The following RABGAP1 variants were observed in gnomAD, a reference collection of about 807,000 sequenced individuals.
RABGAP1 encodes RAB GTPase activating protein 1, also known as rab GTPase-activating protein 1.
Under a neutral mutation model 137.6 loss-of-function variants are expected in RABGAP1, and 23 were observed. That is an observed-to-expected ratio of 0.17 (90% CI 0.12 to 0.24). RABGAP1 has a LOEUF of 0.24. Among genes scored for constraint, RABGAP1 ranks in the 10% least tolerant of loss-of-function variants. The pLI is 1.00. For synonymous variants in RABGAP1, 451 were observed against 450.7 expected (o/e 1.00, Z -0.01); for missense variants, 906 against 1,275.8 (o/e 0.71, Z 4.42).
At chr9:123,065,751 C>T (rs1588366323) in intron 14 of RABGAP1, 1 of 384,114 alleles carries the variant, frequency 2.6e-6, no homozygotes, top group Non-Finnish European at 4.9e-6. Flanking sequence ...TGTTAAGAAC[C>T]TCTGAGCCCT....
At chr9:123,051,219 T>G (rs1429490829) in intron 13 of RABGAP1, among the ~76,000 whole-genome samples, 4 of 13,080 alleles carry the variant, frequency 3.1e-4, no homozygotes, top group African/African-American at 1.7e-3. Context: ...CACCTTGGTT[T>G]TTTTTTTTTT....
intron 19 of RABGAP1, among the ~76,000 whole-genome samples, chr9:123,077,521 GTTT>G (rs774830769): frequency 3.2e-4 from 48 of 152,030 alleles, no homozygotes; most frequent in Non-Finnish European, 6.0e-4. Context: ...AGAAAACTCA[GTTT>G]TATCACTTCA....
At chr9:123,074,253 T>C (rs1391034990) in intron 16 of RABGAP1, 32 bp from the exon 17 acceptor site, 1 of 1,611,836 alleles carries the variant, frequency 6.2e-7, no homozygotes, top group Non-Finnish European at 8.5e-7. Flanking sequence ...CAGATGCATA[T>C]GTGCCCAGAA....
chr9:123,092,488 A>G (rs1261226304), intron 21 of RABGAP1, among the ~76,000 whole-genome samples: 2 of 152,174 alleles, frequency 1.3e-5, no homozygotes, highest in African/African-American at 4.8e-5. Flanking sequence ...TTTAACAGCT[A>G]TAAAACTTGA....
intron 1 of RABGAP1, among the ~76,000 whole-genome samples, chr9:122,944,557 CACTCTGT>C (rs1182210420): frequency 6.7e-6 from 1 of 149,596 alleles, no homozygotes; most frequent in African/African-American, 2.5e-5. Context: ...AACGGAGTCT[CACTCTGT>C]CGCCCAGGCT....
At chr9:123,035,465 A>G (rs1009480560) in intron 13 of RABGAP1, 2 of 1,614,178 alleles carry the variant, frequency 1.2e-6, no homozygotes. Flanking sequence ...AGTTTCTGCA[A>G]CTGTGTAATT....
chr9:122,957,351 A>G (rs917757166), intron 2 of RABGAP1, 142 bp downstream of exon 2: 1 of 660,522 alleles, frequency 1.5e-6, no homozygotes, highest in African/African-American at 1.8e-5. Flanking sequence ...TTTTATTTGC[A>G]CTTAGTGAGA....
rs921404599 is a variant in RABGAP1 at position 123,070,102 on chromosome 9, C to T, written c.1909-248C>T. ...CAAGGAAATACGAAGTTTTTTTTAG[C>T]GCAGAAGTGGTTTTTCCTTAATCTT... On this transcript the variant is annotated intron_variant, in intron 14 of 25. Transcript: ENST00000373647. The surrounding 1 kb of genome is among the most constrained non-coding windows in gnomAD (Gnocchi z 4.4). 2.0e-5 allele frequency among the ~76,000 whole-genome samples: 3 copies of T among 151,970 alleles called. No homozygotes were observed. Among genetic ancestry groups the T allele is most frequent in the South Asian group, 2.1e-4 (1 of 4,810 alleles).
At chr9:123,003,537 C>G (rs2029922601) in intron 10 of RABGAP1, among the ~76,000 whole-genome samples, 1 of 152,192 alleles carries the variant, frequency 6.6e-6, no homozygotes, top group Admixed American at 6.5e-5. Context: ...CAACATACAG[C>G]ATTTCTGTTT....
chr9:122,957,769 T>C (rs1000417504), intron 2 of RABGAP1, among the ~76,000 whole-genome samples: 1 of 152,228 alleles, frequency 6.6e-6, no homozygotes, highest in African/African-American at 2.4e-5. Flanking sequence ...TTAACATCTT[T>C]TCTTGCAACA....
chr9:123,020,712 A>G (rs2031574814), intron 13 of RABGAP1, among the ~76,000 whole-genome samples: 1 of 152,174 alleles, frequency 6.6e-6, no homozygotes, highest in Non-Finnish European at 1.5e-5. Context: ...TTTTGAGTGT[A>G]AATAACATTT....
At chr9:122,995,144 C>G (rs937807070) in intron 6 of RABGAP1, among the ~76,000 whole-genome samples, 5 of 151,944 alleles carry the variant, frequency 3.3e-5, no homozygotes. Flanking sequence ...ATATTTTTAC[C>G]TTTTTAATTA....
At chr9:122,969,561 C>T (rs1186861018) in intron 2 of RABGAP1, among the ~76,000 whole-genome samples, 6 of 152,002 alleles carry the variant, frequency 3.9e-5, no homozygotes, top group African/African-American at 1.2e-4. Context: ...AATAGTGTTA[C>T]TGGAGATATC....
intron 13 of RABGAP1, among the ~76,000 whole-genome samples, chr9:123,052,182 A>G (rs888944297): frequency 6.6e-6 from 1 of 152,196 alleles, no homozygotes; most frequent in Non-Finnish European, 1.5e-5. Context: ...TTTCACTTTT[A>G]CAATATGTTC....
intron 21 of RABGAP1, among the ~76,000 whole-genome samples, chr9:123,093,428 A>G (rs2035088332): frequency 1.3e-5 from 2 of 152,224 alleles, no homozygotes; most frequent in Non-Finnish European, 2.9e-5. Flanking sequence ...ACCATGTCCG[A>G]GTCCCCTCTA....
chr9:123,070,491 T>G lies in RABGAP1; in HGVS notation c.1983+67T>G. On this transcript the variant is annotated intron_variant, in intron 15 of 25. Transcript: ENST00000373647. This position sits in a 1 kb window ranked among gnomAD's most constrained non-coding sequence, Gnocchi z 4.4. ...CCTCAGCTTATACTAACCTTAGGCTTGAGCATGGTTTTATATTGGGTTTGG... is the reference window on the plus strand; with the variant it reads ...CCTCAGCTTATACTAACCTTAGGCTGGAGCATGGTTTTATATTGGGTTTGG... The G allele has an allele frequency of 6.2e-7, 1 of 1,608,878 alleles. No homozygotes were observed. Among genetic ancestry groups the G allele is most frequent in the Non-Finnish European group, 8.5e-7 (1 of 1,177,806 alleles).
chr9:123,081,855 G>A (rs1263726922), intron 19 of RABGAP1, among the ~76,000 whole-genome samples: 2 of 152,200 alleles, frequency 1.3e-5, no homozygotes, highest in African/African-American at 4.8e-5. Flanking sequence ...GGCACATCAA[G>A]TGACTTACCC....
chr9:122,969,631 G>A (rs1339459952), intron 2 of RABGAP1, among the ~76,000 whole-genome samples: 2 of 151,402 alleles, frequency 1.3e-5, no homozygotes, highest in Non-Finnish European at 2.9e-5. Flanking sequence ...CTAGTAGAAT[G>A]ACTAACAAAA....
At chr9:123,021,033 G>A (rs1367616876) in intron 13 of RABGAP1, 2 of 354,438 alleles carry the variant, frequency 5.6e-6, no homozygotes, top group African/African-American at 4.4e-5. Context: ...TTTCTGCAAT[G>A]TTAGGCAATG....
Sources: gnomAD v4.1 joint callset for allele counts (sites outside exome capture counted in the v4.1 genomes callset) on GRCh38, gnomAD v4.1.1 for gene constraint, Gnocchi (gnomAD v3.1) non-coding constraint, MANE v1.5 for transcripts, NCBI Gene and HGNC (gene_info 2026-07-23, HGNC 2026-07-21) for gene names.